KATNIP: variants seen among roughly 807,000 people sequenced by gnomAD.
KATNIP encodes katanin interacting protein, also known as katanin-interacting protein.
A neutral mutation model predicts 174.0 loss-of-function variants in KATNIP; 126 were observed. The observed-to-expected ratio is 0.72, with a 90% confidence interval of 0.63 to 0.84. The LOEUF is 0.84. Ranked by LOEUF, KATNIP falls within the 40% of genes least tolerant of loss-of-function variation. KATNIP has a pLI of 0.00. For synonymous variants in KATNIP, 810 were observed against 835.7 expected (o/e 0.97, Z 0.53); for missense variants, 1,958 against 2,109.7 (o/e 0.93, Z 1.41).
At chr16:27,670,930 A>G (rs1242793689) in intron 6 of KATNIP, among the ~76,000 whole-genome samples, 1 of 152,162 alleles carries the variant, frequency 6.6e-6, no homozygotes, top group Non-Finnish European at 1.5e-5. Context: ...AGTGGCTCAC[A>G]CCTGTAATCC....
At chr16:27,625,135 T>C (rs961738610) in intron 3 of KATNIP, among the ~76,000 whole-genome samples, 2 of 152,222 alleles carry the variant, frequency 1.3e-5, no homozygotes, top group Non-Finnish European at 2.9e-5. Flanking sequence ...AAAAACACTT[T>C]TCTTTGATGC....
intron 3 of KATNIP, among the ~76,000 whole-genome samples, chr16:27,623,637 G>A (rs1027866493): frequency 3.3e-5 from 5 of 152,122 alleles, no homozygotes; most frequent in African/African-American, 9.6e-5. Flanking sequence ...TTTTTTTAAT[G>A]TTTATTATTA....
At chr16:27,588,035 G>C (rs939630729) in intron 2 of KATNIP, among the ~76,000 whole-genome samples, 3 of 151,510 alleles carry the variant, frequency 2.0e-5, no homozygotes, top group Non-Finnish European at 4.4e-5. Flanking sequence ...GGGACTATGG[G>C]CATATGCCGC....
chr16:27,746,453 AGGGCAGAGGACAG>A (rs760878076), intron 15 of KATNIP, among the ~76,000 whole-genome samples: 16 of 152,092 alleles, frequency 1.1e-4, no homozygotes, highest in Non-Finnish European at 1.8e-4. Context: ...GAAGTGGGGG[AGGGCAGAGGACAG>A]GGGCAGAGGA....
chr16:27,554,439 T>A (rs1329543458), intron 1 of KATNIP, among the ~76,000 whole-genome samples: 1 of 152,192 alleles, frequency 6.6e-6, no homozygotes, highest in East Asian at 1.9e-4. Flanking sequence ...TATTGCAGCC[T>A]GGGCAACAGA....
intron 3 of KATNIP, among the ~76,000 whole-genome samples, chr16:27,620,139 T>C (rs1301871780): frequency 6.6e-6 from 1 of 152,176 alleles, no homozygotes; most frequent in Non-Finnish European, 1.5e-5. Flanking sequence ...AGAGACAAGG[T>C]TATAGCACAA....
At chr16:27,704,928 T>G (rs972238148) in intron 12 of KATNIP, among the ~76,000 whole-genome samples, 1 of 147,934 alleles carries the variant, frequency 6.8e-6, no homozygotes, top group Non-Finnish European at 1.5e-5. Context: ...TTTTTTTTTC[T>G]TAGACAGAGC....
chr16:27,591,472 C>T (rs1036017209), intron 2 of KATNIP, among the ~76,000 whole-genome samples: 1 of 152,130 alleles, frequency 6.6e-6, no homozygotes, highest in African/African-American at 2.4e-5. Flanking sequence ...TGAGCTACCA[C>T]GCCTGGCCGG....
intron 13 of KATNIP, among the ~76,000 whole-genome samples, chr16:27,710,513 G>T (rs985811118): frequency 9.2e-5 from 14 of 152,298 alleles, no homozygotes; most frequent in Non-Finnish European, 1.9e-4. Flanking sequence ...TTGGGCCTCA[G>T]CTTCATTCAC....
rs567643860 is a variant in KATNIP, at chr16:27,550,893, T to G, written c.7+716T>G. ...GATTTGGACCGGTTTTGAGGGTCCC[T>G]TTATTCCAGAGGTTGTAAATGCAGA... is the stretch of plus-strand genomic sequence containing the variant. On this transcript the variant is annotated intron_variant, in intron 1 of 27. Coordinates refer to ENST00000261588, the MANE Select transcript of KATNIP (RefSeq NM_015202.5). Among the ~76,000 whole-genome samples the G allele has an allele frequency of 4.6e-4, 70 of 152,322 alleles. 1 individual carries two copies. The highest frequency in any genetic ancestry group is 1.7e-3 in the African/African-American group (69 of 41,574).
intron 12 of KATNIP, among the ~76,000 whole-genome samples, chr16:27,705,820 G>A (rs563675622): frequency 2.0e-5 from 3 of 152,046 alleles, no homozygotes; most frequent in Non-Finnish European, 4.4e-5. Context: ...GGACTACAGG[G>A]GCCCCCCAGC....
At chr16:27,612,752 C>T (rs973162687) in intron 2 of KATNIP, among the ~76,000 whole-genome samples, 3 of 151,610 alleles carry the variant, frequency 2.0e-5, no homozygotes, top group Non-Finnish European at 4.4e-5. Flanking sequence ...GAACAAGACT[C>T]CTTCTCAAAA....
At chr16:27,606,803 C>T (rs200348618) in intron 2 of KATNIP, among the ~76,000 whole-genome samples, 2 of 151,748 alleles carry the variant, frequency 1.3e-5, no homozygotes, top group African/African-American at 4.8e-5. Flanking sequence ...TGGGCTCAAG[C>T]GATCCTCCCA....
intron 2 of KATNIP, among the ~76,000 whole-genome samples, chr16:27,586,545 A>T (rs765678241): frequency 2.0e-5 from 3 of 151,976 alleles, no homozygotes; most frequent in Non-Finnish European, 4.4e-5. Context: ...AAACTGAAAT[A>T]AGGTCAGATG....
intron 2 of KATNIP, among the ~76,000 whole-genome samples, chr16:27,605,648 G>A (rs1229036066): frequency 1.3e-5 from 2 of 152,174 alleles, no homozygotes; most frequent in African/African-American, 2.4e-5. Flanking sequence ...CCTATCCTAG[G>A]GCGTGAGAAA....
rs150819908 is a variant in KATNIP, at chr16:27,594,033, A to G, written c.63+20077A>G. On this transcript the variant is annotated intron_variant, in intron 2 of 27. Transcript: ENST00000261588. ...GTGAGGCCCTAAGTCACACAGCTAA[A>G]AAGAAACCAGGGCTTGCTCAAGACC... Among the ~76,000 whole-genome samples, 1,307 of 152,154 alleles carry G rather than the reference A, an allele frequency of 8.6e-3. 20 individuals carry two copies. Among genetic ancestry groups the G allele is most frequent in the African/African-American group, 0.03 (1,262 of 41,512 alleles).
intron 14 of KATNIP, among the ~76,000 whole-genome samples, chr16:27,728,195 C>T (rs552631046): frequency 2.0e-5 from 3 of 152,364 alleles, no homozygotes; most frequent in Admixed American, 6.5e-5. Context: ...GGAAAGGGGA[C>T]TGACCCCATT....
At chr16:27,667,702 T>C (rs1271808879) in intron 6 of KATNIP, among the ~76,000 whole-genome samples, 3 of 152,206 alleles carry the variant, frequency 2.0e-5, no homozygotes, top group Admixed American at 6.5e-5. Flanking sequence ...GCATCCAAGC[T>C]TCTAATAGGC....
At chr16:27,745,957 C>CTTTTTTTTT (rs759181249) in intron 15 of KATNIP, among the ~76,000 whole-genome samples, 3 of 92,096 alleles carry the variant, frequency 3.3e-5, no homozygotes, top group Non-Finnish European at 4.2e-5. Context: ...AACTCCTCTG[C>CTTTTTTTTT]TTTTTTTTTT....
Sources: allele counts gnomAD v4.1 joint callset (sites outside exome capture counted in the v4.1 genomes callset), GRCh38; gene constraint gnomAD v4.1.1; transcripts MANE v1.5; gene names NCBI Gene and HGNC (gene_info 2026-07-23, HGNC 2026-07-21).